The following DNAH2 variants were observed in gnomAD, a reference collection of about 807,000 sequenced individuals.
DNAH2 encodes axonemal beta dynein heavy chain 2.
In DNAH2, 323 loss-of-function variants were observed where a neutral mutation model predicts 523.5. The ratio of observed to expected loss-of-function variants is 0.62; its 90% CI spans 0.56 to 0.68. DNAH2 has a LOEUF of 0.68. Among genes scored for constraint, DNAH2 ranks in the 30% least tolerant of loss-of-function variants. The probability of loss-of-function intolerance (pLI) is 0.00; values close to 1 mark genes in which losing one functional copy is unlikely to be tolerated. For missense variants in DNAH2, 4,907 were observed against 5,701.5 expected (o/e 0.86, Z 4.49); for synonymous variants, 2,093 against 2,177.4 (o/e 0.96, Z 1.08).
chr17:7,758,071 A>T (rs971551324), intron 13 of DNAH2, among the ~76,000 whole-genome samples: 2 of 152,228 alleles, frequency 1.3e-5, no homozygotes, highest in Non-Finnish European at 2.9e-5. Flanking sequence ...TGCAACCAGC[A>T]GTCTTGTTTG....
rs1329244171 is a variant in DNAH2 at position 7,824,117 on chromosome 17, G to A, written c.11479-4G>A. On this transcript the variant is annotated splice_region_variant and splice_polypyrimidine_tract_variant and intron_variant, in intron 75 of 85. Coordinates refer to ENST00000572933, the MANE Select transcript of DNAH2 (RefSeq NM_020877.5). ...GCCTGATGCTATACCTGTGCTTCTG[G>A]CAGGTGCTGGAGGATTCAACCCCAC... is the stretch of plus-strand genomic sequence containing the variant. 5 of 1,558,362 alleles carry A rather than the reference G, an allele frequency of 3.2e-6. No homozygotes were observed. In the African/African-American group the frequency reaches 4.1e-5, roughly 13 times the overall value.
At chr17:7,771,158 A>G (rs561714733) in intron 27 of DNAH2, among the ~76,000 whole-genome samples, 172 bp from the exon 28 acceptor site, 1 of 152,104 alleles carries the variant, frequency 6.6e-6, no homozygotes, top group Non-Finnish European at 1.5e-5. Context: ...TCTTAGACCC[A>G]GGTAGCTGGC....
At chr17:7,763,426 G>A (rs921026817) in intron 18 of DNAH2, among the ~76,000 whole-genome samples, 6 of 152,182 alleles carry the variant, frequency 3.9e-5, no homozygotes, top group African/African-American at 7.2e-5. Flanking sequence ...GATTACAGGC[G>A]TGAGCCACTG....
rs1284852073 is a variant in DNAH2, at chr17:7,741,314, C to CTT, written c.1689+322_1689+323insTT. On this transcript the variant is annotated intron_variant, in intron 11 of 85. Transcript: ENST00000572933. ...TCTTTCTTCCTTCCTTCCCTCCCTC[C>CTT]CTCCCTCCCTCCTTCCTTCCTTCCT... Among the ~76,000 whole-genome samples, 31 of 77,276 alleles carry CTT rather than the reference C, an allele frequency of 4.0e-4. 1 individual carries two copies. The highest frequency in any genetic ancestry group is 6.0e-4 in the South Asian group (1 of 1,674). The allele number at this position is 77,276 out of a possible 152,430, so 50.7% of individuals were successfully genotyped here.
At chr17:7,737,295 G>A (rs2075170774) in intron 8 of DNAH2, 37 bp downstream of exon 8, 2 of 1,596,168 alleles carry the variant, frequency 1.3e-6, no homozygotes, top group Non-Finnish European at 1.7e-6. Flanking sequence ...AGGGGTTTAT[G>A]AGGGTGGCCG....
At chr17:7,790,000 A>G (rs2076852853) in intron 44 of DNAH2, among the ~76,000 whole-genome samples, 1 of 151,972 alleles carries the variant, frequency 6.6e-6, no homozygotes, top group East Asian at 1.9e-4. Flanking sequence ...CTCTCCACCC[A>G]CGGGCCTGTG....
At position 7,831,632 on chromosome 17, in the gene DNAH2, T is replaced by C. The variant is rs2151354719; in HGVS notation, c.12612-29T>C. On this transcript the variant is annotated intron_variant, in intron 81 of 85. Coordinates refer to ENST00000572933, the MANE Select transcript of DNAH2 (RefSeq NM_020877.5). The surrounding 1 kb of genome is among the most constrained non-coding windows in gnomAD (Gnocchi z 4.2). ...GAATGACGTTCCCAGGCCCACCTCA[T>C]CTCTAACACTCCACCTCATCCTGCT... is the stretch of plus-strand genomic sequence containing the variant. The C allele has an allele frequency of 6.2e-7, 1 of 1,613,468 alleles. No homozygotes were observed. The highest frequency in any genetic ancestry group is 2.2e-5 in the East Asian group (1 of 44,868).
intron 7 of DNAH2, among the ~76,000 whole-genome samples, chr17:7,736,225 G>A (rs2075138750): frequency 6.6e-6 from 1 of 152,144 alleles, no homozygotes; most frequent in South Asian, 2.1e-4. Context: ...GATTATGTTA[G>A]TGCTAGGTCA....
chr17:7,725,798 C>A (rs1288195593), intron 3 of DNAH2, among the ~76,000 whole-genome samples: 6 of 150,814 alleles, frequency 4.0e-5, no homozygotes, highest in African/African-American at 1.5e-4. Context: ...TATGCAGGTC[C>A]TTTTGTCTAT....
chr17:7,814,147 T>G (rs2077593567), intron 63 of DNAH2, among the ~76,000 whole-genome samples: 1 of 150,328 alleles, frequency 6.7e-6, no homozygotes, highest in Non-Finnish European at 1.5e-5. Context: ...TTTCGTTCCT[T>G]TTGGATTTTG....
intron 65 of DNAH2, 43 bp from the exon 66 acceptor site, chr17:7,817,518 G>T: frequency 6.2e-7 from 1 of 1,613,746 alleles, no homozygotes; most frequent in Non-Finnish European, 8.5e-7. Flanking sequence ...GGGCTGCTGG[G>T]CTCAGCTCTT....
rs763105242 is a variant in DNAH2, at chr17:7,830,702, GAC to G, written c.12093_12094del (p.Pro4032LeufsTer5). The G allele has an allele frequency of 1.2e-6, 2 of 1,614,228 alleles. No homozygotes were observed. The highest frequency in any genetic ancestry group is 3.3e-5 in the Admixed American group (2 of 60,028). ...LSLYLDEYEE[T>X]PWDALKYLIA... ...GCCTCTATCTCGATGAGTACGAGGA[GAC>G]ACCTTGGGACGCACTTAAGTACCTC... On this transcript the variant is annotated frameshift_variant, in exon 79 of 86. Coordinates refer to ENST00000572933, the MANE Select transcript of DNAH2 (RefSeq NM_020877.5). LOFTEE classifies it high-confidence loss of function.
At chr17:7,790,738 G>T (rs898367651) in intron 44 of DNAH2, among the ~76,000 whole-genome samples, 2 of 149,756 alleles carry the variant, frequency 1.3e-5, no homozygotes, top group Non-Finnish European at 3.0e-5. Context: ...AAGAGACAGG[G>T]TCTTGCTCTG....
chr17:7,768,145 GC>G lies in DNAH2; in HGVS notation c.3838-14del, dbSNP rs2076222419. 6.2e-7 allele frequency: 1 copy of G among 1,614,040 alleles called. No individual in the cohort carries two copies. The highest frequency in any genetic ancestry group is 8.5e-7 in the Non-Finnish European group (1 of 1,180,026). On this transcript the variant is annotated intron_variant, in intron 23 of 85. Transcript: ENST00000572933. ...CAGGGAGGTCGTCGGGTCTTCTCAT[GC>G]CCCCAACTTTTGCTCAGGACCGAAA... is the stretch of plus-strand genomic sequence containing the variant.
chr17:7,805,222 T>A (rs753324453), intron 60 of DNAH2, 30 bp from the exon 61 acceptor site: 1 of 1,613,346 alleles, frequency 6.2e-7, no homozygotes, highest in South Asian at 1.1e-5. Flanking sequence ...AGGTCCTGTC[T>A]TACCCTCACT....
Position 7,823,917 on chromosome 17 carries a change from ACCT to A in DNAH2, c.11417_11419del (p.Ser3806del), listed in dbSNP as rs1427772714. On this transcript the variant is annotated inframe_deletion, in exon 75 of 86. Transcript: ENST00000572933. The stretch of plus-strand genomic sequence containing the variant: ...CCAGGACCGCGTGGCCTTCTGCGTG[ACCT>A]CCTTCATCATCACCAACCTTGGCTC... 1 of 1,613,232 alleles carries A rather than the reference ACCT, an allele frequency of 6.2e-7. No homozygotes were observed.
At position 7,750,216 on chromosome 17, in the gene DNAH2, A is replaced by G. The variant is rs79100853; in HGVS notation, c.1905-6875A>G. Among the ~76,000 whole-genome samples, 10 of 152,194 alleles carry G rather than the reference A, an allele frequency of 6.6e-5. No individual in the cohort carries two copies. The East Asian group carries it at 1.7e-3, about 26-fold the overall frequency. ...TATTTTTGCTAGCGCAGCATTCACT[A>G]TCACTAAGTCCTCCAAACCAACCAA... On this transcript the variant is annotated intron_variant, in intron 12 of 85. Coordinates refer to ENST00000572933, the MANE Select transcript of DNAH2 (RefSeq NM_020877.5).
chr17:7,736,514 G>A (rs1011523074), intron 7 of DNAH2, among the ~76,000 whole-genome samples: 3 of 152,202 alleles, frequency 2.0e-5, no homozygotes, highest in Non-Finnish European at 2.9e-5. Context: ...ATCTAGACTC[G>A]AGGGAATTCT....
rs760865720 is a variant in DNAH2 at position 7,743,257 on chromosome 17, A to G, written c.1904+115A>G. On this transcript the variant is annotated intron_variant, in intron 12 of 85. Transcript: ENST00000572933. The stretch of plus-strand genomic sequence containing the variant: ...TTATTCTCTCTCTTTCTCATACAAT[A>G]TGTTTGCTATCGTCATTTTACTTTT... The G allele has an allele frequency of 1.1e-5, 12 of 1,130,450 alleles. No individual in the cohort carries two copies. In the East Asian group the frequency reaches 2.5e-4, roughly 24 times the overall value. The allele number at this position is 1,130,450 out of a possible 1,614,324, so 70.0% of individuals were successfully genotyped here.
Sources: gnomAD v4.1 joint callset for allele counts (sites outside exome capture counted in the v4.1 genomes callset) on GRCh38, gnomAD v4.1.1 for gene constraint, Gnocchi (gnomAD v3.1) non-coding constraint, MANE v1.5 for transcripts, NCBI Gene and HGNC (gene_info 2026-07-23, HGNC 2026-07-21) for gene names.